The following PTPRT variants were observed in gnomAD, a reference collection of about 807,000 sequenced individuals.
The protein encoded by PTPRT is protein tyrosine phosphatase receptor type T.
A neutral mutation model predicts 176.8 loss-of-function variants in PTPRT; 56 were observed. The ratio of observed to expected loss-of-function variants is 0.32; its 90% CI spans 0.26 to 0.40. The LOEUF (loss-of-function observed/expected upper bound fraction) is 0.40, where lower values mean the gene tolerates loss of function less well. Ranked by LOEUF, PTPRT falls within the 10% of genes least tolerant of loss-of-function variation. The pLI is 1.00. For missense variants in PTPRT, 1,540 were observed against 1,908.2 expected, an observed-to-expected ratio of 0.81 and a Z score of 3.60; for synonymous variants, 783 against 739.0, an observed-to-expected ratio of 1.06 and a Z score of -0.96.
chr20:42,106,761 A>G, intron 24 of PTPRT, 25 bp downstream of exon 24: 1 of 1,607,020 alleles, frequency 6.2e-7, no homozygotes, highest in Non-Finnish European at 8.5e-7. Context: ...CAGGTGGCCA[A>G]CTGTCTTGGC....
chr20:42,585,581 G>T (rs2073457235), intron 7 of PTPRT, among the ~76,000 whole-genome samples: 1 of 152,010 alleles, frequency 6.6e-6, no homozygotes, highest in African/African-American at 2.4e-5. Flanking sequence ...CACATGCCAG[G>T]CACTTTTCTG....
chr20:42,607,620 C>T (rs2073901958), intron 7 of PTPRT: 1 of 152,462 alleles, frequency 6.6e-6, no homozygotes, highest in Non-Finnish European at 1.5e-5. Context: ...CAATGAAATG[C>T]TTCCTGAACA....
intron 1 of PTPRT, among the ~76,000 whole-genome samples, chr20:43,158,194 G>A (rs562747335): frequency 1.3e-5 from 2 of 152,088 alleles, no homozygotes; most frequent in Non-Finnish European, 2.9e-5. Context: ...TGATGGATTC[G>A]ATGTTGGTAT....
intron 7 of PTPRT, among the ~76,000 whole-genome samples, chr20:42,543,884 G>T (rs2072626497): frequency 6.6e-6 from 1 of 152,048 alleles, no homozygotes; most frequent in African/African-American, 2.4e-5. Flanking sequence ...GTAATATTTA[G>T]AAATAAATCT....
chr20:42,142,044 G>A, intron 17 of PTPRT, 42 bp from the exon 18 acceptor site: 1 of 1,546,268 alleles, frequency 6.5e-7, no homozygotes, highest in East Asian at 2.2e-5. Flanking sequence ...CCTGAGATAG[G>A]AGCTTTATGG....
At chr20:42,935,425 C>T (rs1026614605) in intron 1 of PTPRT, among the ~76,000 whole-genome samples, 1 of 152,032 alleles carries the variant, frequency 6.6e-6, no homozygotes, top group African/African-American at 2.4e-5. Context: ...CAGACATGAG[C>T]CACTGCACCT....
Position 42,082,002 on chromosome 20 carries a change from A to G in PTPRT, c.4152T>C (p.Arg1384=). ...TGCAGATGGCACAGAAGGTTCCACT[A>G]CGGCCTCCCCCATTTCTAAACACAG... ...TVVHCLNGGG[R]SGTFCAICSV... is the part of the protein sequence containing the mutation. The change falls in exon 30 of 31, where the codon CGT becomes CGC. Residue 1384 remains arginine (R), a synonymous_variant. Coordinates refer to ENST00000373187, the MANE Select transcript of PTPRT (RefSeq NM_007050.6). 1.2e-6 allele frequency: 2 copies of G among 1,614,230 alleles called. No individual in the cohort carries two copies. Among genetic ancestry groups the G allele is most frequent in the Non-Finnish European group, 1.7e-6 (2 of 1,180,040 alleles).
intron 6 of PTPRT, among the ~76,000 whole-genome samples, 172 bp downstream of exon 6, chr20:42,756,290 C>A (rs745906511): frequency 1.8e-4 from 27 of 152,174 alleles, no homozygotes; most frequent in Non-Finnish European, 3.4e-4. Flanking sequence ...ATGATTTTAC[C>A]ATAGTTTCTC....
At position 42,789,025 on chromosome 20, in the gene PTPRT, A is replaced by G. The variant is rs187678409; in HGVS notation, c.486+2170T>C. Among the ~76,000 whole-genome samples, 7 of 152,334 alleles carry G rather than the reference A, an allele frequency of 4.6e-5. No individual in the cohort carries two copies. The East Asian group carries it at 1.3e-3, about 29-fold the overall frequency. On this transcript the variant is annotated intron_variant, in intron 3 of 30. Coordinates refer to ENST00000373187, the MANE Select transcript of PTPRT (RefSeq NM_007050.6). ...CTTACATTTTAATTTAAAAACTGAT[A>G]CCCAATTCACTTAAGAATGTTTGGA...
chr20:42,092,809 G>A (rs767814659), intron 27 of PTPRT, among the ~76,000 whole-genome samples: 5 of 152,180 alleles, frequency 3.3e-5, no homozygotes, highest in Non-Finnish European at 7.4e-5. Context: ...CTGGGAGAAT[G>A]AGGAGCTTGC....
At chr20:42,346,952 G>T (rs2058203262) in intron 11 of PTPRT, among the ~76,000 whole-genome samples, 1 of 152,104 alleles carries the variant, frequency 6.6e-6, no homozygotes, top group Non-Finnish European at 1.5e-5. Flanking sequence ...GTTGGTGGAG[G>T]TTTACTCCGT....
chr20:42,554,305 A>T (rs1373131191), intron 7 of PTPRT, among the ~76,000 whole-genome samples: 5 of 152,180 alleles, frequency 3.3e-5, no homozygotes, highest in Admixed American at 3.3e-4. Flanking sequence ...TTAAAAAAAA[A>T]TTCTGTAAAA....
intron 21 of PTPRT, among the ~76,000 whole-genome samples, chr20:42,117,428 CA>C (rs754726209): frequency 1.3e-5 from 2 of 152,124 alleles, no homozygotes; most frequent in Non-Finnish European, 2.9e-5. Flanking sequence ...ACTAAGTAGG[CA>C]AAAGCAAGCT....
chr20:42,628,227 A>T (rs967027668), intron 7 of PTPRT, among the ~76,000 whole-genome samples: 3 of 152,176 alleles, frequency 2.0e-5, no homozygotes, highest in African/African-American at 7.2e-5. Flanking sequence ...GGCAGAGGGA[A>T]GGTAGGATGG....
intron 7 of PTPRT, among the ~76,000 whole-genome samples, chr20:42,669,587 T>A (rs1263902421): frequency 6.6e-6 from 1 of 152,152 alleles, no homozygotes; most frequent in Non-Finnish European, 1.5e-5. Flanking sequence ...CAAGTTATGT[T>A]CCTCCCATTT....
intron 1 of PTPRT, among the ~76,000 whole-genome samples, chr20:43,131,467 T>C (rs2013644717): frequency 6.6e-6 from 1 of 152,244 alleles, no homozygotes; most frequent in Non-Finnish European, 1.5e-5. Context: ...ATATTATTTC[T>C]ATAATAATTT....
chr20:42,540,047 C>T (rs546948420), intron 7 of PTPRT, among the ~76,000 whole-genome samples: 6 of 152,240 alleles, frequency 3.9e-5, no homozygotes, highest in Admixed American at 1.3e-4. Context: ...AGTGAAACAG[C>T]CCACCATGTG....
At chr20:43,078,429 T>A (rs886714814) in intron 1 of PTPRT, among the ~76,000 whole-genome samples, 5 of 152,180 alleles carry the variant, frequency 3.3e-5, no homozygotes, top group Non-Finnish European at 5.9e-5. Flanking sequence ...CAGGTGATTT[T>A]TTTTCTCTAA....
chr20:43,083,079 C>T (rs1268188363), intron 1 of PTPRT, among the ~76,000 whole-genome samples: 9 of 151,838 alleles, frequency 5.9e-5, no homozygotes, highest in Admixed American at 1.3e-4. Context: ...CTGCAGCGCC[C>T]GAATAAAGCC....
Sources: allele counts gnomAD v4.1 joint callset (sites outside exome capture counted in the v4.1 genomes callset), GRCh38; gene constraint gnomAD v4.1.1; transcripts MANE v1.5; gene names NCBI Gene and HGNC (gene_info 2026-07-23, HGNC 2026-07-21).